RAB43: variants seen among roughly 807,000 people sequenced by gnomAD.
RAB43 encodes the protein RAB43, member RAS oncogene family.
A neutral mutation model predicts 18.8 loss-of-function variants in RAB43; 6 were observed. That is an observed-to-expected ratio of 0.32 (90% CI 0.17 to 0.63). RAB43 has a LOEUF of 0.63. RAB43 is among the 30% of genes least tolerant of loss of function. RAB43 has a pLI of 0.79. For synonymous variants in RAB43, 103 were observed against 124.1 expected (o/e 0.83, Z 1.13); for missense variants, 195 against 289.1 (o/e 0.67, Z 2.36).
chr3:129,096,200 C>T (rs1185935193), intron 1 of RAB43, among the ~76,000 whole-genome samples: 1 of 152,216 alleles, frequency 6.6e-6, no homozygotes, highest in Non-Finnish European at 1.5e-5. Context: ...CAAGGTCTGT[C>T]TGGGGTGGGG....
Position 129,121,591 on chromosome 3 carries a change from C to T in RAB43, c.-102G>A. 1 of 1,004,202 alleles carries T rather than the reference C, an allele frequency of 1.0e-6. No homozygotes were observed. The highest frequency in any genetic ancestry group is 1.4e-6 in the Non-Finnish European group (1 of 714,940). 62.2% of individuals were successfully genotyped at this position (1,004,202 alleles called of 1,614,324 possible). A position where few individuals can be genotyped will look rare whatever the true frequency, so the allele number is the denominator to read the frequency against. On this transcript the variant is annotated 5_prime_UTR_variant, in exon 1 of 3. Coordinates refer to ENST00000315150, the MANE Select transcript of RAB43 (RefSeq NM_198490.3). Reference sequence around the variant, plus strand: ...CCGCCCGCTCCAGCCCACGGGCCGCCTGGCTACGTGGAGCCGCCGCAACAC... The same window carrying T: ...CCGCCCGCTCCAGCCCACGGGCCGCTTGGCTACGTGGAGCCGCCGCAACAC...
At chr3:129,094,944 C>G (rs775613757) in intron 2 of RAB43, 42 bp downstream of exon 2, 2 of 1,585,998 alleles carry the variant, frequency 1.3e-6, no homozygotes, top group South Asian at 2.3e-5. Flanking sequence ...CATGGACAGG[C>G]AGAGTGATGG....
At chr3:129,097,069 C>T (rs766328214) in intron 1 of RAB43, among the ~76,000 whole-genome samples, 1 of 151,954 alleles carries the variant, frequency 6.6e-6, no homozygotes, top group Non-Finnish European at 1.5e-5. Flanking sequence ...GCCGAGATCA[C>T]GCCACTGCAC....
chr3:129,096,458 A>G (rs1934065110), intron 1 of RAB43, among the ~76,000 whole-genome samples: 1 of 152,234 alleles, frequency 6.6e-6, no homozygotes, highest in South Asian at 2.1e-4. Flanking sequence ...CATGGGGTGA[A>G]GTGCAAGGTT....
At chr3:129,092,825 G>A (rs1449581072) in intron 2 of RAB43, among the ~76,000 whole-genome samples, 2 of 151,226 alleles carry the variant, frequency 1.3e-5, no homozygotes, top group Non-Finnish European at 2.9e-5. Flanking sequence ...GCATGGTGGC[G>A]GGCGCCTGTG....
chr3:129,108,616 T>G (rs1306953618), intron 1 of RAB43, among the ~76,000 whole-genome samples: 2 of 152,134 alleles, frequency 1.3e-5, no homozygotes, highest in Non-Finnish European at 2.9e-5. Flanking sequence ...ATACAGGGTG[T>G]CAGATGGGTA....
chr3:129,097,067 C>T (rs762866497), intron 1 of RAB43, among the ~76,000 whole-genome samples: 3 of 152,034 alleles, frequency 2.0e-5, no homozygotes, highest in Admixed American at 2.0e-4. Context: ...GAGCCGAGAT[C>T]ACGCCACTGC....
At chr3:129,099,854 G>C (rs993012394) in intron 1 of RAB43, among the ~76,000 whole-genome samples, 1 of 152,044 alleles carries the variant, frequency 6.6e-6, no homozygotes, top group African/African-American at 2.4e-5. Flanking sequence ...AAAGATTGAA[G>C]AAAATGAATA....
At chr3:129,109,154 T>C (rs902556504) in intron 1 of RAB43, among the ~76,000 whole-genome samples, 39 of 152,092 alleles carry the variant, frequency 2.6e-4, no homozygotes, top group African/African-American at 8.2e-4. Flanking sequence ...CTCACACCTG[T>C]AATCCCAACA....
At chr3:129,097,637 G>A (rs1276436725) in intron 1 of RAB43, among the ~76,000 whole-genome samples, 1 of 152,146 alleles carries the variant, frequency 6.6e-6, no homozygotes, top group East Asian at 1.9e-4. Flanking sequence ...CCAGGATGAT[G>A]GAAAGAGAGA....
chr3:129,102,766 C>T (rs1453188975), intron 1 of RAB43, among the ~76,000 whole-genome samples: 1 of 152,136 alleles, frequency 6.6e-6, no homozygotes, highest in African/African-American at 2.4e-5. Flanking sequence ...GAAGCCAAGC[C>T]AGGAGAGCCC....
intron 1 of RAB43, among the ~76,000 whole-genome samples, chr3:129,099,079 T>C (rs1398624944): frequency 2.0e-5 from 3 of 151,326 alleles, no homozygotes; most frequent in African/African-American, 7.3e-5. Context: ...TCAAAAAATA[T>C]ATATATGTTA....
chr3:129,119,224 C>T (rs531042517), intron 1 of RAB43, among the ~76,000 whole-genome samples: 4 of 152,284 alleles, frequency 2.6e-5, no homozygotes, highest in South Asian at 2.1e-4. Flanking sequence ...GCTCCTGCTG[C>T]GGCAGCGGAC....
chr3:129,121,276 G>T lies in RAB43; in HGVS notation c.204+10C>A, dbSNP rs1324140451. On this transcript the variant is annotated intron_variant, in intron 1 of 2. Transcript: ENST00000315150. ...GGAGCGCCTTCCAGGGGCCCTGGCC[G>T]GCCTCCCACCTTGACCCGCTTGCCC... is the stretch of plus-strand genomic sequence containing the variant. 11 of 1,592,376 alleles carry T rather than the reference G, an allele frequency of 6.9e-6. No homozygotes were observed. The highest frequency in any genetic ancestry group is 1.7e-4 in the Middle Eastern group (1 of 5,750).
intron 1 of RAB43, among the ~76,000 whole-genome samples, chr3:129,105,065 A>C (rs963941671): frequency 6.6e-6 from 1 of 152,226 alleles, no homozygotes; most frequent in African/African-American, 2.4e-5. Context: ...GGGGCCAGAC[A>C]AGTGACATAA....
Position 129,118,721 on chromosome 3 carries a change from C to T in RAB43, c.204+2565G>A, listed in dbSNP as rs140358282. Among the ~76,000 whole-genome samples the T allele has an allele frequency of 7.1e-3, 1,079 of 152,280 alleles. 7 individuals carry two copies. Among genetic ancestry groups the T allele is most frequent in the African/African-American group, 0.02 (814 of 41,548 alleles). On this transcript the variant is annotated intron_variant, in intron 1 of 2. Coordinates refer to ENST00000315150, the MANE Select transcript of RAB43 (RefSeq NM_198490.3). ...ATTTTATTCTAAATAGATACCACGTCTCACTATGCTGGCCAGGCTCATCTC... is the reference window on the plus strand; with the variant it reads ...ATTTTATTCTAAATAGATACCACGTTTCACTATGCTGGCCAGGCTCATCTC...
intron 1 of RAB43, among the ~76,000 whole-genome samples, chr3:129,097,502 C>T (rs781461591): frequency 3.6e-4 from 55 of 152,166 alleles, no homozygotes; most frequent in Non-Finnish European, 6.6e-4. Flanking sequence ...AAAAATTCAC[C>T]TTCCTGCTAC....
At chr3:129,094,707 C>T (rs941684831) in intron 2 of RAB43, among the ~76,000 whole-genome samples, 7 of 151,214 alleles carry the variant, frequency 4.6e-5, no homozygotes, top group African/African-American at 9.7e-5. Context: ...TTAGTAGAGA[C>T]GAGGTTTCAC....
At chr3:129,097,269 A>C (rs1338057968) in intron 1 of RAB43, among the ~76,000 whole-genome samples, 1 of 152,242 alleles carries the variant, frequency 6.6e-6, no homozygotes, top group Non-Finnish European at 1.5e-5. Context: ...CACCAGGCAC[A>C]CACACAATGG....
Sources: allele counts gnomAD v4.1 joint callset (sites outside exome capture counted in the v4.1 genomes callset), GRCh38; gene constraint gnomAD v4.1.1; transcripts MANE v1.5; gene names NCBI Gene and HGNC (gene_info 2026-07-23, HGNC 2026-07-21).